SLK: variants seen among roughly 807,000 people sequenced by gnomAD.
The protein encoded by SLK is STE20-like serine/threonine-protein kinase.
A neutral mutation model predicts 147.7 loss-of-function variants in SLK; 67 were observed. That is an observed-to-expected ratio of 0.45 (90% CI 0.37 to 0.56). The LOEUF (loss-of-function observed/expected upper bound fraction) is 0.56, where lower values mean the gene tolerates loss of function less well. Ranked by LOEUF, SLK falls within the 20% of genes least tolerant of loss-of-function variation. SLK has a pLI of 0.00. For missense variants in SLK, 1,136 were observed against 1,438.8 expected (o/e 0.79, Z 3.41); for synonymous variants, 441 against 475.0 (o/e 0.93, Z 0.93).
chr10:104,021,825 C>A (rs778683723), intron 18 of SLK, 92 bp downstream of exon 18: 17 of 695,632 alleles, frequency 2.4e-5, no homozygotes, highest in Non-Finnish European at 4.1e-5. Flanking sequence ...GGTACAGTGT[C>A]AGGGGCAGGA....
chr10:104,019,297 A>G (rs1006248161), intron 15 of SLK, among the ~76,000 whole-genome samples: 2 of 152,156 alleles, frequency 1.3e-5, no homozygotes, highest in African/African-American at 4.8e-5. Context: ...CTTTTGAGAC[A>G]GAGTCTCGCT....
chr10:103,996,400 CTTT>C (rs555751299), intron 4 of SLK, among the ~76,000 whole-genome samples: 1 of 106,452 alleles, frequency 9.4e-6, no homozygotes, highest in Non-Finnish European at 1.9e-5. Context: ...TTTTTCTTTT[CTTT>C]TTTTTTTTTT....
chr10:103,996,306 CAT>C (rs951297827), intron 4 of SLK, among the ~76,000 whole-genome samples: 4 of 148,116 alleles, frequency 2.7e-5, no homozygotes, highest in Non-Finnish European at 6.0e-5. Flanking sequence ...CATTGTAAGT[CAT>C]GTGCTCTTTT....
At chr10:104,006,200 G>T (rs1304976544) in intron 11 of SLK, among the ~76,000 whole-genome samples, 165 bp downstream of exon 11, 1 of 152,102 alleles carries the variant, frequency 6.6e-6, no homozygotes, top group African/African-American at 2.4e-5. Flanking sequence ...TGGTGTTCTG[G>T]ATGCCTTTTA....
chr10:103,980,883 A>G (rs2476956), intron 1 of SLK, among the ~76,000 whole-genome samples: 34,473 of 151,846 alleles, frequency 0.23, 4,516 homozygotes, highest in African/African-American at 0.36. Context: ...TCTATTTTTA[A>G]TTTTTTGGGG....
intron 12 of SLK, among the ~76,000 whole-genome samples, chr10:104,008,929 C>G (rs1844364435): frequency 1.3e-5 from 2 of 152,120 alleles, no homozygotes; most frequent in African/African-American, 4.8e-5. Context: ...TATAACTCAT[C>G]AAATTGTGAG....
intron 8 of SLK, among the ~76,000 whole-genome samples, 166 bp downstream of exon 8, chr10:104,001,738 T>A (rs1844250833): frequency 6.6e-6 from 1 of 151,946 alleles, no homozygotes; most frequent in African/African-American, 2.4e-5. Flanking sequence ...TATATTTCCC[T>A]TTTTTTTGAG....
intron 11 of SLK, among the ~76,000 whole-genome samples, chr10:104,006,625 AT>A (rs1844329172): frequency 6.6e-6 from 1 of 152,198 alleles, no homozygotes. Flanking sequence ...GTAATATAAA[AT>A]TTTTGTAATT....
At chr10:104,012,111 G>A (rs187898560) in intron 13 of SLK, among the ~76,000 whole-genome samples, 53 of 152,228 alleles carry the variant, frequency 3.5e-4, no homozygotes, top group African/African-American at 1.2e-3. Context: ...GATTTAACAA[G>A]TGGTTCCCAG....
chr10:103,992,693 A>G (rs1433070242), intron 3 of SLK, 47 bp downstream of exon 3: 1 of 1,502,614 alleles, frequency 6.7e-7, no homozygotes, highest in Admixed American at 2.0e-5. Flanking sequence ...ATTATACTTG[A>G]TAAGATGAAA....
In SLK at chr10:104,025,728, A is replaced by T; in HGVS notation, c.*8A>T. The T allele has an allele frequency of 1.2e-6, 2 of 1,613,670 alleles. No individual in the cohort carries two copies. On this transcript the variant is annotated 3_prime_UTR_variant, in exon 19 of 19. Transcript: ENST00000369755. ...CATTCCACCGGATCATAACAAAGGG[A>T]AGCATTCTGTGCGTGGGTTTGGCTC...
At chr10:103,971,426 C>T in intron 1 of SLK, among the ~76,000 whole-genome samples, 1 of 152,182 alleles carries the variant, frequency 6.6e-6, no homozygotes, top group Non-Finnish European at 1.5e-5. Context: ...AGGCACGCAC[C>T]ACCGTGCCGG....
chr10:103,991,317 T>C (rs1337087432), intron 2 of SLK, among the ~76,000 whole-genome samples: 1 of 152,150 alleles, frequency 6.6e-6, no homozygotes, highest in African/African-American at 2.4e-5. Flanking sequence ...GCTAAAGCTG[T>C]ATGTATAAAT....
At position 104,017,700 on chromosome 10, in the gene SLK, G is replaced by A. The variant is rs538539624; in HGVS notation, c.2878-460G>A. 5.3e-5 allele frequency among the ~76,000 whole-genome samples: 8 copies of A among 152,212 alleles called. No individual in the cohort carries two copies. The South Asian group carries it at 6.2e-4, about 12-fold the overall frequency. On this transcript the variant is annotated intron_variant, in intron 13 of 18. Coordinates refer to ENST00000369755, the MANE Select transcript of SLK (RefSeq NM_014720.4). ...TCACCATGTTGGCCAGGCTGGTCTC[G>A]AACTCCTGACCTCAAGAGAACCACC... is the stretch of plus-strand genomic sequence containing the variant.
intron 1 of SLK, among the ~76,000 whole-genome samples, chr10:103,971,399 G>A (rs1249343518): frequency 6.6e-6 from 1 of 151,930 alleles, no homozygotes; most frequent in Non-Finnish European, 1.5e-5. Context: ...CTCAGCCTCC[G>A]GAGTAGTTGG....
Position 104,025,859 on chromosome 10 carries a change from T to C in SLK, c.*139T>C. ...AGGTGTTTTCCTTTTTTGTTTTTTTTGTTTTGTTTTGTTTTTAAGCAAAGA... is the reference window on the plus strand; with the variant it reads ...AGGTGTTTTCCTTTTTTGTTTTTTTCGTTTTGTTTTGTTTTTAAGCAAAGA... On this transcript the variant is annotated 3_prime_UTR_variant, in exon 19 of 19. Transcript: ENST00000369755. The C allele has an allele frequency of 2.8e-6, 2 of 705,880 alleles. No homozygotes were observed. Among genetic ancestry groups the C allele is most frequent in the Non-Finnish European group, 4.4e-6 (2 of 455,704 alleles). The allele number at this position is 705,880 out of a possible 1,614,324, so 43.7% of individuals were successfully genotyped here. A position where few individuals can be genotyped will look rare whatever the true frequency, so the allele number is the denominator to read the frequency against.
Position 103,967,785 on chromosome 10 carries a change from A to G in SLK, c.40A>G (p.Ser14Gly), listed in dbSNP as rs779003989. 3.0e-5 allele frequency: 49 copies of G among 1,613,978 alleles called. 1 individual carries two copies. In the South Asian group the frequency reaches 4.2e-4, roughly 14 times the overall value. Residue 14 changes from serine (S) to glycine (G), a missense_variant, in exon 1 of 19, where the codon AGC (serine) becomes GGC (glycine). Coordinates refer to ENST00000369755, the MANE Select transcript of SLK (RefSeq NM_014720.4). ...FNFRKIFKLG[S>G]EKKKKQYEHV... ...TTTCCGTAAGATCTTCAAGTTGGGG[A>G]GCGAGAAGAAGAAGAAGCAGTACGA...
chr10:103,998,431 A>C (rs1028920165), intron 4 of SLK, among the ~76,000 whole-genome samples: 1 of 152,218 alleles, frequency 6.6e-6, no homozygotes, highest in African/African-American at 2.4e-5. Flanking sequence ...AGAAAACATA[A>C]GGTTCCCAAT....
intron 17 of SLK, among the ~76,000 whole-genome samples, chr10:104,021,036 A>G (rs986750418): frequency 4.6e-5 from 7 of 152,228 alleles, no homozygotes; most frequent in African/African-American, 1.7e-4. Context: ...GAAATAAGTG[A>G]TAAGTTAAAT....
Sources: gnomAD v4.1 joint callset for allele counts (sites outside exome capture counted in the v4.1 genomes callset) on GRCh38, gnomAD v4.1.1 for gene constraint, MANE v1.5 for transcripts, NCBI Gene and HGNC (gene_info 2026-07-23, HGNC 2026-07-21) for gene names.